PCDHA4: variants seen among roughly 807,000 people sequenced by gnomAD.
PCDHA4 encodes protocadherin alpha 4, also known as protocadherin alpha-4.
PCDHA4 carries 49 observed loss-of-function variants against 61.4 expected under a neutral mutation model. The observed-to-expected ratio is 0.80, with a 90% CI of 0.63 to 1.01. The LOEUF is 1.01. Ranked by LOEUF, PCDHA4 falls within the 50% of genes least tolerant of loss-of-function variation. PCDHA4 has a pLI of 0.00. For synonymous variants in PCDHA4, 590 were observed against 550.3 expected (o/e 1.07, Z -1.01); for missense variants, 1,254 against 1,235.8 (o/e 1.01, Z -0.22).
intron 1 of PCDHA4, chr5:140,870,871 G>T (rs1257856778): frequency 1.2e-6 from 2 of 1,613,826 alleles, no homozygotes; most frequent in African/African-American, 2.7e-5. Context: ...GGGCCACGTG[G>T]TGGCGAAGGT....
Position 141,009,792 on chromosome 5 carries a change from C to T in PCDHA4, c.2699C>T (p.Pro900Leu). Residue 900 changes from proline (P) to leucine (L), a missense_variant, in exon 4 of 4, where the codon CCT (proline) becomes CTT (leucine). Physicochemically the swap from Pro to Leu is moderately conservative, Grantham distance 98. Transcript: ENST00000530339. ...GCAATCATCTCCATCCGGCAGGAGC[C>T]TACTAACAGCCAAATTGACAAAAGT... ...SPAIISIRQEPTNSQIDKSDF... is the reference protein window; with the variant it reads ...SPAIISIRQELTNSQIDKSDF... 1 of 1,614,068 alleles carries T rather than the reference C, an allele frequency of 6.2e-7. No individual in the cohort carries two copies. The highest frequency in any genetic ancestry group is 8.5e-7 in the Non-Finnish European group (1 of 1,180,026).
In PCDHA4 at chr5:140,858,521, A is replaced by G. The variant is rs782589492; in HGVS notation, c.2385+48949A>G. On this transcript the variant is annotated intron_variant, in intron 1 of 3. Transcript: ENST00000530339. Reference sequence around the variant, plus strand: ...CATTTTCTCAAATATGTATCAGAATATTTCATTTTTGTCTACATTCCATTT... The same window carrying G: ...CATTTTCTCAAATATGTATCAGAATGTTTCATTTTTGTCTACATTCCATTT... 1.4e-6 allele frequency: 2 copies of G among 1,420,880 alleles called. 1 individual carries two copies. Among genetic ancestry groups the G allele is most frequent in the Non-Finnish European group, 1.9e-6 (2 of 1,028,816 alleles). 88.0% of individuals were successfully genotyped at this position (1,420,880 alleles called of 1,614,324 possible).
chr5:140,993,460 TCTCACACACA>T (rs1210103837), intron 3 of PCDHA4, among the ~76,000 whole-genome samples: 11 of 104,506 alleles, frequency 1.1e-4, no homozygotes, highest in Admixed American at 1.2e-4. Flanking sequence ...CTTCTTTCTT[TCTCACACACA>T]CACACACACA....
At chr5:140,930,902 T>C (rs1474835953) in intron 1 of PCDHA4, among the ~76,000 whole-genome samples, 1 of 152,212 alleles carries the variant, frequency 6.6e-6, no homozygotes, top group Non-Finnish European at 1.5e-5. Flanking sequence ...TTTAACTTAC[T>C]TTTCTACTTT....
intron 1 of PCDHA4, chr5:140,849,585 C>G (rs147876741): frequency 6.3e-7 from 1 of 1,598,624 alleles, no homozygotes; most frequent in African/African-American, 1.3e-5. Flanking sequence ...AGAGGACGCA[C>G]AACTGGGGAC....
intron 1 of PCDHA4, among the ~76,000 whole-genome samples, chr5:140,936,603 C>T (rs552102837): frequency 2.0e-5 from 3 of 152,324 alleles, no homozygotes; most frequent in Admixed American, 6.5e-5. Context: ...CTACTTTCCT[C>T]GCTGCTACTG....
At chr5:140,811,658 T>C (rs2126630798) in intron 1 of PCDHA4, 88,405 of 151,980 alleles carry the variant, frequency 0.58, 26,434 homozygotes, top group African/African-American at 0.72. Flanking sequence ...CTCTCCAGCA[T>C]GTGTTGTTTC....
intron 1 of PCDHA4, chr5:140,836,210 T>G (rs2150255516): frequency 2.2e-5 from 36 of 1,613,654 alleles, no homozygotes; most frequent in Admixed American, 6.7e-5. Flanking sequence ...GGCTTTCGTA[T>G]GAGTTGCAAC....
At chr5:140,884,267 T>C in intron 1 of PCDHA4, 3 of 1,613,566 alleles carry the variant, frequency 1.9e-6, no homozygotes, top group South Asian at 1.1e-5. Context: ...AACGGTGCTG[T>C]TGTCGCTGGT....
In PCDHA4 at chr5:140,809,411, T is replaced by A; in HGVS notation, c.2224T>A (p.Ser742Thr). The A allele has an allele frequency of 6.2e-7, 1 of 1,614,110 alleles. No individual in the cohort carries two copies. Among genetic ancestry groups the A allele is most frequent in the South Asian group, 1.1e-5 (1 of 91,068 alleles). Residue 742 changes from serine to threonine, a missense_variant, in exon 1 of 4, where the codon TCC becomes ACC. Transcript: ENST00000530339. Reference protein sequence around the residue: ...CAPGKPTLVCSSAVGSWSYSQ... With the variant: ...CAPGKPTLVCTSAVGSWSYSQ... ...TCCGGGCAAGCCCACGCTGGTGTGC[T>A]CCAGTGCGGTGGGGAGCTGGTCATA...
intron 1 of PCDHA4, among the ~76,000 whole-genome samples, chr5:140,879,868 A>G (rs544274525): frequency 2.0e-5 from 3 of 152,222 alleles, no homozygotes; most frequent in Middle Eastern, 3.4e-3. Context: ...CTCAGCTTTC[A>G]TGGTCACATT....
chr5:141,003,273 G>A (rs782391603), intron 3 of PCDHA4, among the ~76,000 whole-genome samples: 5 of 152,214 alleles, frequency 3.3e-5, no homozygotes, highest in Admixed American at 6.5e-5. Context: ...TAAGGGAAGT[G>A]CCCAAATTGG....
intron 1 of PCDHA4, among the ~76,000 whole-genome samples, chr5:140,942,906 G>C (rs1454697434): frequency 6.6e-6 from 1 of 151,800 alleles, no homozygotes; most frequent in African/African-American, 2.4e-5. Context: ...CTAAGAATAA[G>C]CGTGAAGAAA....
chr5:140,885,319 T>C (rs2060561832), intron 1 of PCDHA4, among the ~76,000 whole-genome samples: 1 of 152,216 alleles, frequency 6.6e-6, no homozygotes, highest in Admixed American at 6.5e-5. Context: ...TGTTATTATT[T>C]CTTTTCCAAA....
intron 3 of PCDHA4, among the ~76,000 whole-genome samples, chr5:140,987,333 T>C (rs1470731690): frequency 6.6e-6 from 1 of 152,158 alleles, no homozygotes; most frequent in East Asian, 1.9e-4. Context: ...TAAGAACTGG[T>C]CTAAGGTAAA....
At chr5:140,902,560 G>T (rs558432897) in intron 1 of PCDHA4, among the ~76,000 whole-genome samples, 9 of 152,072 alleles carry the variant, frequency 5.9e-5, no homozygotes, top group Non-Finnish European at 1.2e-4. Flanking sequence ...CCAGATTTTT[G>T]AGGGTTTTTA....
chr5:140,891,748 C>G (rs575198849), intron 1 of PCDHA4, among the ~76,000 whole-genome samples: 2 of 152,242 alleles, frequency 1.3e-5, no homozygotes, highest in African/African-American at 4.8e-5. Flanking sequence ...CCTTATACAA[C>G]AGTGTTGGGA....
chr5:140,969,069 T>G, intron 1 of PCDHA4: 1 of 1,614,160 alleles, frequency 6.2e-7, no homozygotes, highest in Non-Finnish European at 8.5e-7. Flanking sequence ...GATGCCAGGA[T>G]ACCGCATGGC....
chr5:140,944,838 A>C (rs996510272), intron 1 of PCDHA4, among the ~76,000 whole-genome samples: 13 of 152,212 alleles, frequency 8.5e-5, no homozygotes, highest in Non-Finnish European at 1.6e-4. Flanking sequence ...TTGTAAAATG[A>C]GATATTAGAA....
Sources: gnomAD v4.1 joint callset for allele counts (sites outside exome capture counted in the v4.1 genomes callset) on GRCh38, gnomAD v4.1.1 for gene constraint, MANE v1.5 for transcripts, NCBI Gene and HGNC (gene_info 2026-07-23, HGNC 2026-07-21) for gene names.